Variants in SEC14L5 observed in about 807,000 individuals in gnomAD.
SEC14L5 encodes the protein SEC14-like protein 5.
A neutral mutation model predicts 84.6 loss-of-function variants in SEC14L5; 96 were observed. The ratio of observed to expected loss-of-function variants is 1.13; its 90% confidence interval spans 0.96 to 1.34. The LOEUF is 1.34. Among genes scored for constraint, SEC14L5 ranks in the 40% most tolerant of loss-of-function variants. The probability of loss-of-function intolerance (pLI) is 0.00; values close to 1 mark genes in which losing one functional copy is unlikely to be tolerated. For synonymous variants in SEC14L5, 546 were observed against 383.4 expected, an observed-to-expected ratio of 1.42 and a Z score of -4.95; for missense variants, 1,224 against 942.5, an observed-to-expected ratio of 1.30 and a Z score of -3.91.
At chr16:5,005,129 G>A (rs1292347996) in intron 11 of SEC14L5, among the ~76,000 whole-genome samples, 1 of 152,114 alleles carries the variant, frequency 6.6e-6, no homozygotes, top group Non-Finnish European at 1.5e-5. Flanking sequence ...TGGCCAACAT[G>A]GTGAAAATAC....
intron 14 of SEC14L5, among the ~76,000 whole-genome samples, chr16:5,010,006 A>G (rs1955780324): frequency 6.6e-6 from 1 of 151,872 alleles, no homozygotes; most frequent in African/African-American, 2.4e-5. Flanking sequence ...CAGTAGTCAG[A>G]TTTCTGATGT....
At chr16:4,967,510 C>T (rs1206305972) in intron 2 of SEC14L5, among the ~76,000 whole-genome samples, 5 of 150,842 alleles carry the variant, frequency 3.3e-5, no homozygotes, top group African/African-American at 4.9e-5. Flanking sequence ...ACCCCACAGC[C>T]AGAGCTCACA....
rs1275783527 is a variant in SEC14L5, at chr16:4,996,906, C to G, written c.832C>G (p.Leu278Val). ...GTTCCTGCGGGCTCATGACTTCCAC[C>G]TGGACAAGGCCCGGGAAATGCTGCG... is the stretch of plus-strand genomic sequence containing the variant. ...LRFLRAHDFH[L>V]DKAREMLRQS... The change falls in exon 8 of 16, where the codon CTG becomes GTG. Residue 278 changes from leucine (L) to valine (V), a missense_variant. Coordinates refer to ENST00000251170, the MANE Select transcript of SEC14L5 (RefSeq NM_014692.2). The G allele has an allele frequency of 1.2e-6, 2 of 1,613,798 alleles. No individual in the cohort carries two copies. The highest frequency in any genetic ancestry group is 2.2e-5 in the East Asian group (1 of 44,860).
At chr16:5,008,393 C>T in intron 13 of SEC14L5, 28 bp from the exon 14 acceptor site, 1 of 1,543,918 alleles carries the variant, frequency 6.5e-7, no homozygotes. Flanking sequence ...TCGGCCGTGA[C>T]TCTCAGACCT....
At chr16:4,964,614 C>G (rs1468902556) in intron 2 of SEC14L5, among the ~76,000 whole-genome samples, 3 of 152,056 alleles carry the variant, frequency 2.0e-5, no homozygotes, top group Admixed American at 6.6e-5. Context: ...CACAGGCTCT[C>G]TCTCTGCTCG....
chr16:4,987,718 TG>T lies in SEC14L5; in HGVS notation c.213+16del. On this transcript the variant is annotated intron_variant, in intron 3 of 15. Transcript: ENST00000251170. ...GGCTGCTGCGGAAGGTGGGCGGCCC[TG>T]GGGCTGGGGGGCGGAGGAGGGGACC... The T allele has an allele frequency of 6.9e-7, 1 of 1,456,644 alleles. No individual in the cohort carries two copies. The highest frequency in any genetic ancestry group is 9.0e-7 in the Non-Finnish European group (1 of 1,111,172). 90.2% of individuals were successfully genotyped at this position (1,456,644 alleles called of 1,614,324 possible).
At chr16:5,005,583 C>T (rs1016193350) in intron 11 of SEC14L5, among the ~76,000 whole-genome samples, 1 of 151,834 alleles carries the variant, frequency 6.6e-6, no homozygotes, top group Non-Finnish European at 1.5e-5. Context: ...CATCCATGGT[C>T]AGGCGTGGTG....
At chr16:4,959,444 C>A (rs1315874744) in intron 2 of SEC14L5, 58 bp downstream of exon 2, 3 of 1,421,660 alleles carry the variant, frequency 2.1e-6, no homozygotes, top group Admixed American at 1.7e-5. Context: ...TTGAGATCAG[C>A]TATGGCGGTA....
chr16:4,990,426 G>C (rs950989599), intron 4 of SEC14L5, among the ~76,000 whole-genome samples: 2 of 152,234 alleles, frequency 1.3e-5, no homozygotes, highest in Non-Finnish European at 2.9e-5. Context: ...GGCTCCCAAA[G>C]TGCTCGGATT....
intron 7 of SEC14L5, 74 bp downstream of exon 7, chr16:4,996,534 G>A (rs1230221950): frequency 1.3e-6 from 1 of 744,946 alleles, no homozygotes; most frequent in Non-Finnish European, 2.3e-6. Flanking sequence ...GCATGGGAAG[G>A]AAAGGCGAGA....
In SEC14L5 at chr16:4,986,961, T is replaced by C. The variant is rs78278824; in HGVS notation, c.64-596T>C. Among the ~76,000 whole-genome samples, 394 of 152,344 alleles carry C rather than the reference T, an allele frequency of 2.6e-3. 1 individual carries two copies. The highest frequency in any genetic ancestry group is 8.9e-3 in the African/African-American group (369 of 41,588). ...GATGCTTTAGGATTTTCTATATAAATGTTCATGTCATCTGCAAATACAGAT... is the reference window on the plus strand; with the variant it reads ...GATGCTTTAGGATTTTCTATATAAACGTTCATGTCATCTGCAAATACAGAT... On this transcript the variant is annotated intron_variant, in intron 2 of 15. Transcript: ENST00000251170.
In SEC14L5 at chr16:5,017,923, T is replaced by C. The variant is rs1462969637; in HGVS notation, c.*2953T>C. 1 of 152,216 alleles carries C rather than the reference T, an allele frequency of 6.6e-6. No homozygotes were observed. Among genetic ancestry groups the C allele is most frequent in the Non-Finnish European group, 1.5e-5 (1 of 68,036 alleles). The allele number at this position is 152,216 out of a possible 1,614,324, so 9.4% of individuals were successfully genotyped here. Reference sequence around the variant, plus strand: ...TGGAAGTGCCTTGGCTTGGGCTTCTTGCATCATTAGTTCATTAATCCATTG... The same window carrying C: ...TGGAAGTGCCTTGGCTTGGGCTTCTCGCATCATTAGTTCATTAATCCATTG... On this transcript the variant is annotated 3_prime_UTR_variant, in exon 16 of 16. Transcript: ENST00000251170.
chr16:4,980,635 T>C (rs754590154), intron 2 of SEC14L5, among the ~76,000 whole-genome samples: 6 of 152,104 alleles, frequency 3.9e-5, no homozygotes, highest in Non-Finnish European at 8.8e-5. Context: ...AGGTATGAGG[T>C]TGTGCTTTGG....
At chr16:4,972,260 C>T (rs1175597019) in intron 2 of SEC14L5, among the ~76,000 whole-genome samples, 1 of 152,146 alleles carries the variant, frequency 6.6e-6, no homozygotes, top group African/African-American at 2.4e-5. Flanking sequence ...GCCTTGGCCT[C>T]CCAATGTGCT....
rs555329449 is a variant in SEC14L5, at chr16:4,999,440, C to T, written c.971-1215C>T. Among the ~76,000 whole-genome samples the T allele has an allele frequency of 5.9e-5, 9 of 151,594 alleles. No homozygotes were observed. The East Asian group carries it at 1.6e-3, about 26-fold the overall frequency. ...GGCAACATAGTGAGCTCGCCCCCCTCCACCACATCTCCACAAAAAATACAA... is the reference window on the plus strand; with the variant it reads ...GGCAACATAGTGAGCTCGCCCCCCTTCACCACATCTCCACAAAAAATACAA... On this transcript the variant is annotated intron_variant, in intron 8 of 15. Coordinates refer to ENST00000251170, the MANE Select transcript of SEC14L5 (RefSeq NM_014692.2).
chr16:4,997,580 C>A (rs1164680616), intron 8 of SEC14L5, among the ~76,000 whole-genome samples: 1 of 152,128 alleles, frequency 6.6e-6, no homozygotes, highest in African/African-American at 2.4e-5. Flanking sequence ...CAATTACTCA[C>A]AATAATTGTG....
rs571401946 is a variant in SEC14L5 at position 4,959,133 on chromosome 16, T to C, written c.-51-140T>C. 33 of 602,666 alleles carry C rather than the reference T, an allele frequency of 5.5e-5. No individual in the cohort carries two copies. The South Asian group carries it at 6.3e-4, about 12-fold the overall frequency. 37.3% of individuals were successfully genotyped at this position (602,666 alleles called of 1,614,324 possible). On this transcript the variant is annotated intron_variant, in intron 1 of 15. Coordinates refer to ENST00000251170, the MANE Select transcript of SEC14L5 (RefSeq NM_014692.2). ...TGTTGGGGCTTGGCCTGGAGTAATT[T>C]GGGGGGAATATCAGCCTTCTCAATT...
intron 4 of SEC14L5, 69 bp from the exon 5 acceptor site, chr16:4,990,698 G>A (rs1351318803): frequency 1.2e-5 from 17 of 1,464,776 alleles, no homozygotes; most frequent in Non-Finnish European, 1.5e-5. Context: ...AGGTCAGTGG[G>A]AGAGCCCTAG....
chr16:5,005,720 C>T (rs954308913), intron 11 of SEC14L5, among the ~76,000 whole-genome samples, 194 bp from the exon 12 acceptor site: 10 of 151,706 alleles, frequency 6.6e-5, no homozygotes, highest in Non-Finnish European at 1.5e-4. Flanking sequence ...AAAAATTAGC[C>T]GGGCATGGTG....
Sources: allele counts gnomAD v4.1 joint callset (sites outside exome capture counted in the v4.1 genomes callset), GRCh38; gene constraint gnomAD v4.1.1; transcripts MANE v1.5; gene names NCBI Gene and HGNC (gene_info 2026-07-23, HGNC 2026-07-21).